The following UBA6 variants were observed in gnomAD, a reference collection of about 807,000 sequenced individuals.
UBA6 encodes ubiquitin-like modifier-activating enzyme 6.
UBA6 carries 87 observed loss-of-function variants against 148.3 expected under a neutral mutation model. The observed-to-expected ratio is 0.59, with a 90% CI of 0.49 to 0.70. The LOEUF (loss-of-function observed/expected upper bound fraction) is 0.70, where lower values mean the gene tolerates loss of function less well. Among genes scored for constraint, UBA6 ranks in the 30% least tolerant of loss-of-function variants. The pLI, the probability that UBA6 is intolerant of heterozygous loss-of-function variation, is 0.00. For synonymous variants in UBA6, 376 were observed against 401.0 expected (o/e 0.94, Z 0.75); for missense variants, 1,186 against 1,241.2 (o/e 0.96, Z 0.67).
intron 18 of UBA6, among the ~76,000 whole-genome samples, chr4:67,639,966 A>T (rs574270966): frequency 6.6e-6 from 1 of 152,294 alleles, no homozygotes; most frequent in African/African-American, 2.4e-5. Context: ...GTACTACTGT[A>T]CTCTAAATAT....
chr4:67,650,796 T>C (rs1168883229), intron 13 of UBA6, among the ~76,000 whole-genome samples: 1 of 151,762 alleles, frequency 6.6e-6, no homozygotes, highest in Non-Finnish European at 1.5e-5. Context: ...TGATGAGAGG[T>C]ATAAAACTGG....
intron 25 of UBA6, among the ~76,000 whole-genome samples, 198 bp from the exon 26 acceptor site, chr4:67,630,733 A>G (rs1193030295): frequency 6.6e-6 from 1 of 152,168 alleles, no homozygotes; most frequent in Non-Finnish European, 1.5e-5. Context: ...AAGACAAAAC[A>G]TCAAACAGTT....
intron 14 of UBA6, among the ~76,000 whole-genome samples, chr4:67,647,641 G>C (rs76092016): frequency 0.019 from 2,956 of 151,788 alleles, 71 homozygotes; most frequent in East Asian, 0.11. Context: ...AGTTAATGAA[G>C]AAAAGAACTG....
chr4:67,619,034 G>A lies in UBA6; in HGVS notation c.3122C>T (p.Pro1041Leu), dbSNP rs1728691805. 1.2e-6 allele frequency: 2 copies of A among 1,613,928 alleles called. No individual in the cohort carries two copies. Among genetic ancestry groups the A allele is most frequent in the Non-Finnish European group, 1.7e-6 (2 of 1,179,878 alleles). Residue 1041 changes from proline to leucine, a missense_variant, in exon 33 of 33, where the codon CCT becomes CTT. By Grantham distance (98) the Pro-to-Leu change is moderately conservative. Coordinates refer to ENST00000322244, the MANE Select transcript of UBA6 (RefSeq NM_018227.6). ...ATGACTGAAGTAGTATCTTACTGGA[G>A]GTCCCGGCAAATCTTCATCTCCATC... The part of the protein sequence containing the change: ...DIDGDEDLPG[P>L]PVRYYFSHDT...
chr4:67,672,509 C>G (rs990704849), intron 7 of UBA6, among the ~76,000 whole-genome samples: 5 of 152,312 alleles, frequency 3.3e-5, no homozygotes, highest in Non-Finnish European at 7.4e-5. Flanking sequence ...TCTCTCCATA[C>G]AGCAAGCCAT....
chr4:67,636,754 C>G lies in UBA6; in HGVS notation c.1737-1196G>C, dbSNP rs563739589. On this transcript the variant is annotated intron_variant, in intron 19 of 32. Coordinates refer to ENST00000322244, the MANE Select transcript of UBA6 (RefSeq NM_018227.6). ...TCTCGGCTAGCTACAACCTCCACCC[C>G]CCAGCCGCCTGCCTTGGCCTCCCAA... 1.4e-3 allele frequency among the ~76,000 whole-genome samples: 209 copies of G among 152,356 alleles called. 4 individuals carry two copies. Among genetic ancestry groups the G allele is most frequent in the Admixed American group, 0.012 (178 of 15,312 alleles).
At chr4:67,637,198 C>A (rs1729176850) in intron 19 of UBA6, among the ~76,000 whole-genome samples, 2 of 151,046 alleles carry the variant, frequency 1.3e-5, no homozygotes, top group South Asian at 2.1e-4. Flanking sequence ...CCCCACCCGG[C>A]CAGCCGCCCC....
At chr4:67,662,506 C>T in intron 12 of UBA6, 1 of 354,708 alleles carries the variant, frequency 2.8e-6, no homozygotes, top group South Asian at 6.8e-5. Flanking sequence ...TCACTGTCAC[C>T]CAGGCTGGAG....
At chr4:67,676,289 G>A (rs895760524) in intron 6 of UBA6, among the ~76,000 whole-genome samples, 3 of 152,162 alleles carry the variant, frequency 2.0e-5, no homozygotes, top group African/African-American at 4.8e-5. Context: ...CTCCCAAAGT[G>A]CTGGGATTAT....
chr4:67,672,963 T>C (rs1218184661), intron 7 of UBA6, among the ~76,000 whole-genome samples: 3 of 152,190 alleles, frequency 2.0e-5, no homozygotes, highest in Non-Finnish European at 4.4e-5. Context: ...GACTTGAAAC[T>C]ATTTAAAAAC....
intron 2 of UBA6, among the ~76,000 whole-genome samples, chr4:67,694,303 A>G (rs1173394222): frequency 6.9e-6 from 1 of 145,836 alleles, no homozygotes; most frequent in Non-Finnish European, 1.5e-5. Flanking sequence ...AAAAACCCTC[A>G]AACATTTAAG....
At chr4:67,672,331 A>C (rs1383779561) in intron 7 of UBA6, among the ~76,000 whole-genome samples, 2 of 152,218 alleles carry the variant, frequency 1.3e-5, no homozygotes, top group Non-Finnish European at 2.9e-5. Context: ...CACACATCAT[A>C]TAGACTCTGG....
intron 2 of UBA6, among the ~76,000 whole-genome samples, chr4:67,688,505 T>C (rs985279593): frequency 6.6e-6 from 1 of 152,036 alleles, no homozygotes; most frequent in East Asian, 1.9e-4. Context: ...TGCAGAATAC[T>C]ATCAGAGGCA....
At chr4:67,678,827 C>T (rs1730354128) in intron 4 of UBA6, among the ~76,000 whole-genome samples, 1 of 152,118 alleles carries the variant, frequency 6.6e-6, no homozygotes, top group Non-Finnish European at 1.5e-5. Flanking sequence ...CTGGCTCAAC[C>T]TCAACGGAAA....
At chr4:67,665,107 G>T in intron 10 of UBA6, 82 bp downstream of exon 10, 1 of 723,606 alleles carries the variant, frequency 1.4e-6, no homozygotes, top group Non-Finnish European at 2.2e-6. Flanking sequence ...TAATCTGTTT[G>T]GTTAACTGAG....
Position 67,614,042 on chromosome 4 carries a change from A to G in UBA6, c.*4955T>C, listed in dbSNP as rs1170382446. ...CCCAGGCATCCTTTTAGGTCCAATA[A>G]GAAACACTTTACAACCTGCTCTCTT... On this transcript the variant is annotated 3_prime_UTR_variant, in exon 33 of 33. Coordinates refer to ENST00000322244, the MANE Select transcript of UBA6 (RefSeq NM_018227.6). 1 of 152,104 alleles carries G rather than the reference A, an allele frequency of 6.6e-6. No individual in the cohort carries two copies. Among genetic ancestry groups the G allele is most frequent in the Non-Finnish European group, 1.5e-5 (1 of 68,032 alleles). The allele number at this position is 152,104 out of a possible 1,614,324, so 9.4% of individuals were successfully genotyped here. A position where few individuals can be genotyped will look rare whatever the true frequency, so the allele number is the denominator to read the frequency against.
chr4:67,644,905 G>T, intron 16 of UBA6, 127 bp from the exon 17 acceptor site: 1 of 516,628 alleles, frequency 1.9e-6, no homozygotes. Context: ...AACCAAATAA[G>T]GAAAAGCATA....
Position 67,673,728 on chromosome 4 carries a change from T to A in UBA6, c.515A>T (p.Asp172Val). The A allele has an allele frequency of 6.2e-7, 1 of 1,611,990 alleles. No homozygotes were observed. The highest frequency in any genetic ancestry group is 8.5e-7 in the Non-Finnish European group (1 of 1,178,574). Residue 172 changes from aspartate (D) to valine (V), a missense_variant, in exon 7 of 33, where the codon GAC becomes GTC. By Grantham distance (152) the Asp-to-Val change is radical. Coordinates refer to ENST00000322244, the MANE Select transcript of UBA6 (RefSeq NM_018227.6). ...MKLPLQKKIN[D>V]FCRSQCPPIK... ...TGGAGGGCACTGAGAACGGCAAAAG[T>A]CATTGATCTTCTTCTGCAATGGAAG...
chr4:67,699,547 C>T (rs1251039880), intron 1 of UBA6, among the ~76,000 whole-genome samples: 3 of 131,278 alleles, frequency 2.3e-5, no homozygotes, highest in Non-Finnish European at 5.2e-5. Flanking sequence ...CACACACATA[C>T]ACAATATACC....
Sources: gnomAD v4.1 joint callset for allele counts (sites outside exome capture counted in the v4.1 genomes callset) on GRCh38, gnomAD v4.1.1 for gene constraint, MANE v1.5 for transcripts, NCBI Gene and HGNC (gene_info 2026-07-23, HGNC 2026-07-21) for gene names.